The following SLC39A9 variants were observed in gnomAD, a reference collection of about 807,000 sequenced individuals.
SLC39A9 encodes the protein zinc transporter ZIP9.
SLC39A9 carries 14 observed loss-of-function variants against 28.4 expected under a neutral mutation model. The ratio of observed to expected loss-of-function variants is 0.49; its 90% CI spans 0.33 to 0.77. The LOEUF (loss-of-function observed/expected upper bound fraction) is 0.77, where lower values mean the gene tolerates loss of function less well. Ranked by LOEUF, SLC39A9 falls within the 30% of genes least tolerant of loss-of-function variation. The pLI, the probability that SLC39A9 is intolerant of heterozygous loss-of-function variation, is 0.02. For missense variants in SLC39A9, 283 were observed against 381.1 expected (o/e 0.74, Z 2.14); for synonymous variants, 119 against 149.6 (o/e 0.80, Z 1.49).
At chr14:69,417,521 T>C (rs556800364) in intron 1 of SLC39A9, among the ~76,000 whole-genome samples, 121 of 152,350 alleles carry the variant, frequency 7.9e-4, no homozygotes, top group African/African-American at 2.6e-3. Flanking sequence ...AAGTCATTGG[T>C]AGCTTGATGG....
At chr14:69,454,338 C>T (rs1363099117) in intron 4 of SLC39A9, among the ~76,000 whole-genome samples, 2 of 152,160 alleles carry the variant, frequency 1.3e-5, no homozygotes, top group African/African-American at 2.4e-5. Flanking sequence ...TGGCACGATT[C>T]GGCTCATTGC....
At position 69,459,641 on chromosome 14, in the gene SLC39A9, G is replaced by A; in HGVS notation, c.*1048G>A. On this transcript the variant is annotated 3_prime_UTR_variant, in exon 7 of 7. Coordinates refer to ENST00000336643, the MANE Select transcript of SLC39A9 (RefSeq NM_018375.5). Reference sequence around the variant, plus strand: ...ACTAGGTCAGCTTTGGCGACACTGTGTCTTCTCACATAACCACCTGTAGCA... The same window carrying A: ...ACTAGGTCAGCTTTGGCGACACTGTATCTTCTCACATAACCACCTGTAGCA... 1.0e-6 allele frequency: 1 copy of A among 983,876 alleles called. No individual in the cohort carries two copies. The highest frequency in any genetic ancestry group is 1.2e-6 in the Non-Finnish European group (1 of 829,452). 60.9% of individuals were successfully genotyped at this position (983,876 alleles called of 1,614,324 possible).
chr14:69,422,108 A>G (rs1429729954), intron 1 of SLC39A9, among the ~76,000 whole-genome samples: 1 of 152,196 alleles, frequency 6.6e-6, no homozygotes, highest in Non-Finnish European at 1.5e-5. Context: ...GGAGCTGCAG[A>G]CCGGAATTGT....
Position 69,459,319 on chromosome 14 carries a change from ATTTT to A in SLC39A9, c.*727_*730del, listed in dbSNP as rs898930309. The A allele has an allele frequency of 4.1e-6, 4 of 985,284 alleles. No homozygotes were observed. The allele number at this position is 985,284 out of a possible 1,614,324, so 61.0% of individuals were successfully genotyped here. On this transcript the variant is annotated 3_prime_UTR_variant, in exon 7 of 7. Coordinates refer to ENST00000336643, the MANE Select transcript of SLC39A9 (RefSeq NM_018375.5). ...AGGAGCTTCTAAAGAGGTGACTGGT[ATTTT>A]GTAGCATTCCTTGTCAAGTTCTCCT...
At chr14:69,419,093 A>G (rs1309555935) in intron 1 of SLC39A9, among the ~76,000 whole-genome samples, 1 of 151,996 alleles carries the variant, frequency 6.6e-6, no homozygotes, top group Non-Finnish European at 1.5e-5. Context: ...TTGTGATGTT[A>G]GGGTGTCAAT....
At chr14:69,448,604 C>T (rs1267021331) in intron 3 of SLC39A9, among the ~76,000 whole-genome samples, 2 of 151,960 alleles carry the variant, frequency 1.3e-5, no homozygotes, top group Non-Finnish European at 2.9e-5. Context: ...AAAGTCAAAG[C>T]GAGAGGAAAT....
At chr14:69,418,706 G>T (rs974765631) in intron 1 of SLC39A9, among the ~76,000 whole-genome samples, 1 of 152,034 alleles carries the variant, frequency 6.6e-6, no homozygotes, top group African/African-American at 2.4e-5. Flanking sequence ...GTCTATTCAG[G>T]GATTCAATTT....
intron 1 of SLC39A9, among the ~76,000 whole-genome samples, chr14:69,406,696 A>G (rs1276522413): frequency 6.6e-6 from 1 of 151,794 alleles, no homozygotes; most frequent in Non-Finnish European, 1.5e-5. Flanking sequence ...AAAAAAAAAA[A>G]AAAAAAGTAG....
chr14:69,437,132 G>T (rs1444236225), intron 2 of SLC39A9, among the ~76,000 whole-genome samples: 3 of 152,114 alleles, frequency 2.0e-5, no homozygotes, highest in Admixed American at 6.5e-5. Context: ...CTCCCAAAGT[G>T]CTGGGATTAC....
At chr14:69,413,785 C>G (rs1383283377) in intron 1 of SLC39A9, among the ~76,000 whole-genome samples, 1 of 151,986 alleles carries the variant, frequency 6.6e-6, no homozygotes, top group Non-Finnish European at 1.5e-5. Flanking sequence ...TCATGGAGTG[C>G]AATGCTGAAT....
intron 6 of SLC39A9, among the ~76,000 whole-genome samples, chr14:69,458,089 CATA>C (rs1379831089): frequency 1.3e-5 from 2 of 152,138 alleles, no homozygotes; most frequent in African/African-American, 4.8e-5. Context: ...ATTCATGAAT[CATA>C]ATGTCACTTT....
Position 69,454,877 on chromosome 14 carries a change from G to C in SLC39A9, c.538G>C (p.Val180Leu). The change falls in exon 5 of 7, where the codon GTG (valine) becomes CTG (leucine). Residue 180 changes from valine to leucine, a missense_variant. By Grantham distance (32) the Val-to-Leu change is conservative. Transcript: ENST00000336643. ...SQTSVQLIVF[V>L]AIMLHKAPAA... is the part of the protein sequence containing the mutation. ...GACCAGTGTCCAGTTAATTGTGTTT[G>C]TGGCAATCATGCTACATAAGGTAAG... The C allele has an allele frequency of 1.2e-6, 2 of 1,613,960 alleles. No individual in the cohort carries two copies. Among genetic ancestry groups the C allele is most frequent in the Non-Finnish European group, 1.7e-6 (2 of 1,179,918 alleles).
intron 2 of SLC39A9, among the ~76,000 whole-genome samples, 192 bp downstream of exon 2, chr14:69,424,394 A>G (rs1884074314): frequency 6.6e-6 from 1 of 152,104 alleles, no homozygotes; most frequent in South Asian, 2.1e-4. Context: ...GAATGTCCCA[A>G]TTCATGAATA....
rs1375343136 is a variant in SLC39A9 at position 69,461,098 on chromosome 14, A to G, written c.*2505A>G. 1 of 986,576 alleles carries G rather than the reference A, an allele frequency of 1.0e-6. No individual in the cohort carries two copies. Among genetic ancestry groups the G allele is most frequent in the African/African-American group, 1.7e-5 (1 of 57,234 alleles). 61.1% of individuals were successfully genotyped at this position (986,576 alleles called of 1,614,324 possible). A position where few individuals can be genotyped will look rare whatever the true frequency, so the allele number is the denominator to read the frequency against. On this transcript the variant is annotated 3_prime_UTR_variant, in exon 7 of 7. Coordinates refer to ENST00000336643, the MANE Select transcript of SLC39A9 (RefSeq NM_018375.5). ...CCTTAATGCTGTAACACATTTGAAA[A>G]CATTGGCAATACTTAAGTTGCTGCC...
At chr14:69,456,645 C>G (rs150537910) in intron 6 of SLC39A9, among the ~76,000 whole-genome samples, 1 of 152,296 alleles carries the variant, frequency 6.6e-6, no homozygotes, top group East Asian at 1.9e-4. Flanking sequence ...GAGCAACAAC[C>G]CTCCGCATTT....
chr14:69,419,499 T>C lies in SLC39A9; in HGVS notation c.97-4595T>C, dbSNP rs188347387. Among the ~76,000 whole-genome samples the C allele has an allele frequency of 1.6e-4, 25 of 152,326 alleles. No individual in the cohort carries two copies. The East Asian group carries it at 4.4e-3, about 27-fold the overall frequency. ...TCTGTTGATTTGGGGTGGAGAGTTC[T>C]GTAGATGTCTATTAGGTTGGCTTTG... is the stretch of plus-strand genomic sequence containing the variant. On this transcript the variant is annotated intron_variant, in intron 1 of 6. Coordinates refer to ENST00000336643, the MANE Select transcript of SLC39A9 (RefSeq NM_018375.5).
intron 3 of SLC39A9, among the ~76,000 whole-genome samples, chr14:69,445,758 A>T (rs1885264995): frequency 6.6e-6 from 1 of 152,218 alleles, no homozygotes; most frequent in African/African-American, 2.4e-5. Flanking sequence ...TTGGGAGCAC[A>T]TGATATTCCC....
chr14:69,457,879 C>T (rs1185042823), intron 6 of SLC39A9, among the ~76,000 whole-genome samples: 1 of 152,132 alleles, frequency 6.6e-6, no homozygotes, highest in Non-Finnish European at 1.5e-5. Flanking sequence ...GCCTGGGCAA[C>T]ATAGCGAGAC....
intron 2 of SLC39A9, chr14:69,428,864 CTGCGTATTATGAGA>C (rs1884336958): frequency 6.6e-6 from 1 of 152,350 alleles, no homozygotes; most frequent in Admixed American, 6.5e-5. Flanking sequence ...ACCATAACAT[CTGCGTATTATGAGA>C]TGCGTATTAT....
Sources: allele counts gnomAD v4.1 joint callset (sites outside exome capture counted in the v4.1 genomes callset), GRCh38; gene constraint gnomAD v4.1.1; transcripts MANE v1.5; gene names NCBI Gene and HGNC (gene_info 2026-07-23, HGNC 2026-07-21).